RCL1: variants seen among roughly 807,000 people sequenced by gnomAD.
The protein encoded by RCL1 is RNA 3'-terminal phosphate cyclase-like protein.
In RCL1, 24 loss-of-function variants were observed where a neutral mutation model predicts 42.4. That is an observed-to-expected ratio of 0.57 (90% confidence interval 0.41 to 0.80). The LOEUF (loss-of-function observed/expected upper bound fraction) is 0.80. Ranked by LOEUF, RCL1 falls within the 30% of genes least tolerant of loss-of-function variation. The pLI is 0.00. For synonymous variants in RCL1, 228 were observed against 177.3 expected, an observed-to-expected ratio of 1.29 and a Z score of -2.27; for missense variants, 578 against 467.9, an observed-to-expected ratio of 1.24 and a Z score of -2.17.
rs145388847 is a variant in RCL1 at position 4,860,230 on chromosome 9, C to T, written c.1077C>T (p.Thr359=). 6 of 1,613,518 alleles carry T rather than the reference C, an allele frequency of 3.7e-6. No individual in the cohort carries two copies. The highest frequency in any genetic ancestry group is 4.5e-5 in the East Asian group (2 of 44,842). The change falls in exon 9 of 9, where the codon ACC becomes ACT. Residue 359 remains threonine, a synonymous_variant. Transcript: ENST00000381750. Reference sequence around the variant, plus strand: ...AGGGTGGGGATAAAGTGCTGATGACCTGTGTTGGCATTGGTTTCTCCAACC... The same window carrying T: ...AGGGTGGGGATAAAGTGCTGATGACTTGTGTTGGCATTGGTTTCTCCAACC... ...ELKGGDKVLM[T]CVGIGFSNLS...
At chr9:4,849,603 G>A in intron 8 of RCL1, 53 bp downstream of exon 8, 2 of 1,346,758 alleles carry the variant, frequency 1.5e-6, no homozygotes, top group South Asian at 1.2e-5. Context: ...TTTTCTCATT[G>A]CCCAAAATGA....
intron 1 of RCL1, among the ~76,000 whole-genome samples, chr9:4,820,651 T>C (rs1442423818): frequency 6.6e-6 from 1 of 152,220 alleles, no homozygotes; most frequent in Non-Finnish European, 1.5e-5. Flanking sequence ...AGGTGCTTGT[T>C]CCTCTATCCC....
At chr9:4,854,381 T>C (rs538199529) in intron 8 of RCL1, among the ~76,000 whole-genome samples, 2 of 152,356 alleles carry the variant, frequency 1.3e-5, no homozygotes, top group South Asian at 4.1e-4. Context: ...AGGGACTCCA[T>C]TGAGCAGATC....
Position 4,860,541 on chromosome 9 carries a change from G to A in RCL1, c.*266G>A, listed in dbSNP as rs1328503806. ...ACCTGGAGGAAGAATGTGCCTTCAG[G>A]CCACAGTCGTGCTGCTAGAACAGTC... On this transcript the variant is annotated 3_prime_UTR_variant, in exon 9 of 9. Transcript: ENST00000381750. 4.8e-6 allele frequency: 2 copies of A among 416,620 alleles called. No homozygotes were observed. Among genetic ancestry groups the A allele is most frequent in the Non-Finnish European group, 8.5e-6 (2 of 236,542 alleles). The allele number at this position is 416,620 out of a possible 1,614,324, so 25.8% of individuals were successfully genotyped here.
intron 1 of RCL1, among the ~76,000 whole-genome samples, chr9:4,814,652 G>C (rs1034459783): frequency 6.6e-6 from 1 of 152,024 alleles, no homozygotes; most frequent in Non-Finnish European, 1.5e-5. Flanking sequence ...CAGTTTGATG[G>C]TTTTCTATAG....
intron 1 of RCL1, among the ~76,000 whole-genome samples, chr9:4,806,828 T>C (rs1815994336): frequency 6.6e-6 from 1 of 152,172 alleles, no homozygotes; most frequent in Admixed American, 6.5e-5. Context: ...TTGTGTAGAA[T>C]TGTTTTTAAT....
intron 1 of RCL1, among the ~76,000 whole-genome samples, chr9:4,815,603 G>T (rs540014049): frequency 6.6e-6 from 1 of 152,108 alleles, no homozygotes; most frequent in Non-Finnish European, 1.5e-5. Flanking sequence ...TCGGCTTGAG[G>T]ATGTTGGGCC....
chr9:4,858,485 A>G (rs1433618590), intron 8 of RCL1, among the ~76,000 whole-genome samples: 2 of 152,150 alleles, frequency 1.3e-5, no homozygotes, highest in Non-Finnish European at 2.9e-5. Flanking sequence ...AGTGAACTTT[A>G]TAGTTTTAGC....
intron 4 of RCL1, 88 bp from the exon 5 acceptor site, chr9:4,834,053 C>G: frequency 7.0e-7 from 1 of 1,431,594 alleles, no homozygotes; most frequent in Admixed American, 2.1e-5. Flanking sequence ...AAGGAAGCAT[C>G]TGCTGGTGTA....
At chr9:4,798,759 C>G (rs767948381) in intron 1 of RCL1, among the ~76,000 whole-genome samples, 1 of 152,134 alleles carries the variant, frequency 6.6e-6, no homozygotes, top group Non-Finnish European at 1.5e-5. Flanking sequence ...TAACAGATAA[C>G]TTTACTACTA....
At chr9:4,822,418 A>G (rs1816624473) in intron 1 of RCL1, among the ~76,000 whole-genome samples, 1 of 152,192 alleles carries the variant, frequency 6.6e-6, no homozygotes, top group South Asian at 2.1e-4. Context: ...AGGGGAAGGA[A>G]GACTGGAGGA....
chr9:4,835,607 A>G (rs1299627326), intron 5 of RCL1, among the ~76,000 whole-genome samples: 1 of 152,244 alleles, frequency 6.6e-6, no homozygotes, highest in Non-Finnish European at 1.5e-5. Context: ...TTTTACAAAA[A>G]GATTGGTAAG....
At chr9:4,807,634 C>T (rs910854107) in intron 1 of RCL1, among the ~76,000 whole-genome samples, 1 of 152,192 alleles carries the variant, frequency 6.6e-6, no homozygotes, top group South Asian at 2.1e-4. Context: ...ATTCTCCTGC[C>T]TCAGCCTCCT....
intron 2 of RCL1, among the ~76,000 whole-genome samples, chr9:4,824,607 G>T (rs438405): frequency 0.88 from 133,687 of 152,158 alleles, 58,796 homozygotes; most frequent in East Asian, 1. Context: ...GCAAACATCC[G>T]TTGGCTGACT....
intron 8 of RCL1, among the ~76,000 whole-genome samples, chr9:4,856,068 G>A (rs1455176207): frequency 6.6e-6 from 1 of 152,208 alleles, no homozygotes; most frequent in African/African-American, 2.4e-5. Flanking sequence ...TGAGGCAGCA[G>A]CAAAGGAGAG....
In RCL1 at chr9:4,817,859, T is replaced by C. The variant is rs79575573; in HGVS notation, c.137-5689T>C. ...TCATTTTTCTTTACTGTTTGGCTTGTAATTTTGTTTCATTTCTAAACTCTC... is the reference window on the plus strand; with the variant it reads ...TCATTTTTCTTTACTGTTTGGCTTGCAATTTTGTTTCATTTCTAAACTCTC... On this transcript the variant is annotated intron_variant, in intron 1 of 8. Coordinates refer to ENST00000381750, the MANE Select transcript of RCL1 (RefSeq NM_005772.5). Among the ~76,000 whole-genome samples the C allele has an allele frequency of 8.6e-5, 13 of 151,748 alleles. No individual in the cohort carries two copies. The East Asian group carries it at 2.3e-3, about 27-fold the overall frequency.
At chr9:4,833,374 A>G in intron 4 of RCL1, 146 bp downstream of exon 4, 1 of 656,088 alleles carries the variant, frequency 1.5e-6, no homozygotes, top group South Asian at 1.7e-5. Flanking sequence ...TGAAATAAAC[A>G]CTACAGACTT....
chr9:4,858,971 G>C (rs1319833428), intron 8 of RCL1, among the ~76,000 whole-genome samples: 1 of 152,190 alleles, frequency 6.6e-6, no homozygotes, highest in East Asian at 1.9e-4. Flanking sequence ...TGGAGGGTAG[G>C]GAGGGATCAG....
intron 5 of RCL1, among the ~76,000 whole-genome samples, chr9:4,837,539 A>G (rs1817181600): frequency 6.6e-6 from 1 of 152,136 alleles, no homozygotes; most frequent in Non-Finnish European, 1.5e-5. Flanking sequence ...GTAGTCTGGA[A>G]ATGTGATTTC....
Sources: allele counts gnomAD v4.1 joint callset (sites outside exome capture counted in the v4.1 genomes callset), GRCh38; gene constraint gnomAD v4.1.1; transcripts MANE v1.5; gene names NCBI Gene and HGNC (gene_info 2026-07-23, HGNC 2026-07-21).